ZNF292: variants seen among roughly 807,000 people sequenced by gnomAD.
The protein encoded by ZNF292 is zinc finger protein 292.
ZNF292 carries 26 observed loss-of-function variants against 217.9 expected under a neutral mutation model. The ratio of observed to expected loss-of-function variants is 0.12; its 90% CI spans 0.09 to 0.17. ZNF292 has a LOEUF of 0.17. Ranked by LOEUF, ZNF292 falls within the 10% of genes least tolerant of loss-of-function variation. The pLI, the probability that ZNF292 is intolerant of heterozygous loss-of-function variation, is 1.00. For synonymous variants in ZNF292, 1,257 were observed against 1,124.1 expected, an observed-to-expected ratio of 1.12 and a Z score of -2.37; for missense variants, 2,904 against 3,175.2, an observed-to-expected ratio of 0.91 and a Z score of 2.05.
At chr6:87,174,075 C>A in intron 1 of ZNF292, 1 of 211,742 alleles carries the variant, frequency 4.7e-6, no homozygotes. Flanking sequence ...AATGGGGACA[C>A]CTAAAAGGCT....
chr6:87,204,756 G>C (rs1181295460), intron 1 of ZNF292, among the ~76,000 whole-genome samples: 1 of 151,600 alleles, frequency 6.6e-6, no homozygotes, highest in Non-Finnish European at 1.5e-5. Flanking sequence ...TAGAGACTGG[G>C]TTTCACCATG....
At chr6:87,251,047 G>T (rs999892209) in intron 7 of ZNF292, among the ~76,000 whole-genome samples, 3 of 152,184 alleles carry the variant, frequency 2.0e-5, no homozygotes, top group African/African-American at 7.2e-5. Flanking sequence ...TACTCACTTA[G>T]TAATGGCTAA....
chr6:87,171,433 T>G (rs1275748223), intron 1 of ZNF292, among the ~76,000 whole-genome samples: 1 of 151,938 alleles, frequency 6.6e-6, no homozygotes, highest in Non-Finnish European at 1.5e-5. Flanking sequence ...TGTTCTTACA[T>G]ATAGACTAGA....
intron 1 of ZNF292, among the ~76,000 whole-genome samples, chr6:87,204,726 G>T (rs1412593586): frequency 6.6e-6 from 1 of 151,874 alleles, no homozygotes; most frequent in African/African-American, 2.4e-5. Context: ...ACCATGCCCA[G>T]CTAATTTTTG....
intron 5 of ZNF292, among the ~76,000 whole-genome samples, chr6:87,241,959 CATT>C (rs1275569552): frequency 6.6e-6 from 1 of 152,192 alleles, no homozygotes; most frequent in Non-Finnish European, 1.5e-5. Flanking sequence ...TTCAACTTAA[CATT>C]ATTTTCAACT....
rs754999637 is a variant in ZNF292, at chr6:87,259,985, A to G, written c.6356A>G (p.Gln2119Arg). 1 of 1,613,540 alleles carries G rather than the reference A, an allele frequency of 6.2e-7. No individual in the cohort carries two copies. The highest frequency in any genetic ancestry group is 8.5e-7 in the Non-Finnish European group (1 of 1,179,694). ...TACAGACCTTATCGATGTGTTCACC[A>G]GGGATGCTTTGCTGCCTTTACGATA... is the stretch of plus-strand genomic sequence containing the variant. The part of the protein sequence containing the change: ...SPYRPYRCVH[Q>R]GCFAAFTIQQ... The change falls in exon 8 of 8, where the codon CAG becomes CGG. Residue 2119 changes from glutamine to arginine, a missense_variant. By Grantham distance (43) the Gln-to-Arg change is conservative. Coordinates refer to ENST00000369577, the MANE Select transcript of ZNF292 (RefSeq NM_015021.3).
intron 1 of ZNF292, among the ~76,000 whole-genome samples, chr6:87,214,643 G>A (rs1772650960): frequency 6.6e-6 from 1 of 152,030 alleles, no homozygotes; most frequent in African/African-American, 2.4e-5. Flanking sequence ...TGTGGCTGCA[G>A]GTTTTCTGTC....
rs1562187514 is a variant in ZNF292 at position 87,257,888 on chromosome 6, C to T, written c.4259C>T (p.Ser1420Phe). 2 of 1,613,906 alleles carry T rather than the reference C, an allele frequency of 1.2e-6. No individual in the cohort carries two copies. Among genetic ancestry groups the T allele is most frequent in the African/African-American group, 1.3e-5 (1 of 75,034 alleles). The change falls in exon 8 of 8, where the codon TCT becomes TTT. Residue 1420 changes from serine (S) to phenylalanine (F), a missense_variant. Physicochemically the swap from Ser to Phe is radical, Grantham distance 155. Transcript: ENST00000369577. The stretch of plus-strand genomic sequence containing the variant: ...CTTCTACAGAGTAATGGACAGCCTT[C>T]TCTTCTTGCCAGCATGATTCTCTCC... ...QELLQSNGQP[S>F]LLASMILSTN...
intron 1 of ZNF292, among the ~76,000 whole-genome samples, chr6:87,198,272 T>G (rs1772015468): frequency 6.6e-6 from 1 of 152,118 alleles, no homozygotes; most frequent in East Asian, 1.9e-4. Flanking sequence ...TGGCGTGACC[T>G]CAGCTCACTG....
At chr6:87,225,042 A>G (rs1454675621) in intron 4 of ZNF292, among the ~76,000 whole-genome samples, 2 of 152,078 alleles carry the variant, frequency 1.3e-5, no homozygotes, top group Non-Finnish European at 2.9e-5. Flanking sequence ...CCGTTTTTGG[A>G]ATTTTAGCCA....
intron 1 of ZNF292, among the ~76,000 whole-genome samples, chr6:87,170,664 A>G (rs748358241): frequency 5.4e-4 from 82 of 152,244 alleles, no homozygotes; most frequent in South Asian, 1.2e-3. Context: ...ATCCATGAAA[A>G]CCATCCTTTA....
At chr6:87,179,158 C>CCTT (rs1771389848) in intron 1 of ZNF292, among the ~76,000 whole-genome samples, 1 of 116,352 alleles carries the variant, frequency 8.6e-6, no homozygotes, top group Admixed American at 1.0e-4. Flanking sequence ...ATATATGTGG[C>CCTT]TTTTTTTTTT....
intron 1 of ZNF292, among the ~76,000 whole-genome samples, chr6:87,172,964 ATC>A (rs1379957706): frequency 6.6e-6 from 1 of 152,022 alleles, no homozygotes; most frequent in African/African-American, 2.4e-5. Flanking sequence ...TAAAGGTGAA[ATC>A]TGTTTCAAAT....
At chr6:87,224,598 G>A (rs1211259995) in intron 4 of ZNF292, among the ~76,000 whole-genome samples, 3 of 152,014 alleles carry the variant, frequency 2.0e-5, no homozygotes, top group Non-Finnish European at 4.4e-5. Context: ...CTTTCACATA[G>A]CATTGTATAT....
chr6:87,249,912 G>A (rs1304053741), intron 7 of ZNF292, among the ~76,000 whole-genome samples: 2 of 150,668 alleles, frequency 1.3e-5, no homozygotes, highest in East Asian at 3.9e-4. Context: ...GTTTTACTAT[G>A]TTTGCCAGGC....
In ZNF292 at chr6:87,258,035, C is replaced by G. The variant is rs1242885301; in HGVS notation, c.4406C>G (p.Thr1469Arg). ...ENRSPAFLPN[T>R]FPRSGVTNFN... ...CGCTCGCCAGCATTTTTACCAAATA[C>G]ATTTCCTCGATCTGGTGTGACTAAC... The change falls in exon 8 of 8, where the codon ACA becomes AGA. Residue 1469 changes from threonine (T) to arginine (R), a missense_variant. Coordinates refer to ENST00000369577, the MANE Select transcript of ZNF292 (RefSeq NM_015021.3). The G allele has an allele frequency of 1.9e-6, 3 of 1,613,824 alleles. No individual in the cohort carries two copies. The East Asian group carries it at 6.7e-5, about 36-fold the overall frequency.
chr6:87,161,881 G>T (rs997063548), intron 1 of ZNF292, among the ~76,000 whole-genome samples: 1 of 152,056 alleles, frequency 6.6e-6, no homozygotes. Context: ...TCCCCTAATG[G>T]TTTCCAGAAC....
chr6:87,239,373 G>C (rs559038367), intron 5 of ZNF292, among the ~76,000 whole-genome samples: 1 of 131,938 alleles, frequency 7.6e-6, no homozygotes, highest in East Asian at 2.4e-4. Flanking sequence ...CCTCCCTGAC[G>C]GGGCGGCTGG....
At position 87,264,108 on chromosome 6, in the gene ZNF292, G is replaced by A. The variant is rs1775738362; in HGVS notation, c.*2307G>A. On this transcript the variant is annotated 3_prime_UTR_variant, in exon 8 of 8. Transcript: ENST00000369577. ...AAATCAAACTATGGTAAAAAGACATGAATTTATAGAATAGCATGTTGGTAA... is the reference window on the plus strand; with the variant it reads ...AAATCAAACTATGGTAAAAAGACATAAATTTATAGAATAGCATGTTGGTAA... 6.6e-6 allele frequency: 1 copy of A among 152,102 alleles called. No individual in the cohort carries two copies. Among genetic ancestry groups the A allele is most frequent in the Admixed American group, 6.5e-5 (1 of 15,270 alleles). The allele number at this position is 152,102 out of a possible 1,614,324, so 9.4% of individuals were successfully genotyped here. A position where few individuals can be genotyped will look rare whatever the true frequency, so the allele number is the denominator to read the frequency against.
Sources: allele counts gnomAD v4.1 joint callset (sites outside exome capture counted in the v4.1 genomes callset), GRCh38; gene constraint gnomAD v4.1.1; transcripts MANE v1.5; gene names NCBI Gene and HGNC (gene_info 2026-07-23, HGNC 2026-07-21).